TOLLIP: variants seen among roughly 807,000 people sequenced by gnomAD.
TOLLIP encodes toll-interacting protein.
TOLLIP carries 16 observed loss-of-function variants against 33.5 expected under a neutral mutation model. The observed-to-expected ratio is 0.48, with a 90% CI of 0.32 to 0.72. The LOEUF (loss-of-function observed/expected upper bound fraction) is 0.72. TOLLIP is among the 30% of genes least tolerant of loss of function. TOLLIP has a pLI of 0.03. For synonymous variants in TOLLIP, 176 were observed against 163.7 expected (o/e 1.07, Z -0.57); for missense variants, 325 against 396.6 (o/e 0.82, Z 1.53).
chr11:1,288,004 C>T (rs964571105), intron 4 of TOLLIP, among the ~76,000 whole-genome samples: 7 of 152,034 alleles, frequency 4.6e-5, no homozygotes, highest in South Asian at 2.1e-4. Context: ...ACAGACGAGA[C>T]GGCAGGAGCT....
At chr11:1,283,401 G>A (rs1457930609) in intron 5 of TOLLIP, 7 of 373,230 alleles carry the variant, frequency 1.9e-5, no homozygotes, top group Admixed American at 7.0e-5. Flanking sequence ...GCCCCAACGC[G>A]TCAGTGTCAG....
intron 1 of TOLLIP, chr11:1,305,920 G>C (rs1308565089): frequency 6.6e-6 from 1 of 152,216 alleles, no homozygotes; most frequent in Non-Finnish European, 1.5e-5. Flanking sequence ...GGGTCCACAC[G>C]GTACTCCTCG....
At chr11:1,288,051 C>T (rs558184727) in intron 4 of TOLLIP, among the ~76,000 whole-genome samples, 1 of 152,216 alleles carries the variant, frequency 6.6e-6, no homozygotes, top group East Asian at 2.0e-4. Context: ...CTCCTGATGC[C>T]CCCAGGAGCT....
chr11:1,304,920 C>A (rs1864386335), intron 1 of TOLLIP, among the ~76,000 whole-genome samples: 1 of 152,226 alleles, frequency 6.6e-6, no homozygotes, highest in Admixed American at 6.5e-5. Context: ...GCATTCCCAT[C>A]AAAAGACTTA....
chr11:1,281,734 T>C (rs1863505444), intron 5 of TOLLIP, among the ~76,000 whole-genome samples: 2 of 152,242 alleles, frequency 1.3e-5, no homozygotes, highest in African/African-American at 4.8e-5. Context: ...CAGCACCGCG[T>C]AGCCAGGCAG....
chr11:1,293,932 GAC>G (rs1421443219), intron 2 of TOLLIP, among the ~76,000 whole-genome samples: 1 of 152,278 alleles, frequency 6.6e-6, no homozygotes, highest in Non-Finnish European at 1.5e-5. Context: ...AAGGGTCTGA[GAC>G]ACGCCGCGAG....
intron 1 of TOLLIP, among the ~76,000 whole-genome samples, chr11:1,307,321 G>A (rs1864446418): frequency 6.6e-6 from 1 of 152,206 alleles, no homozygotes; most frequent in South Asian, 2.1e-4. Flanking sequence ...AGGAGGCACT[G>A]GGCAAGAGGA....
At position 1,290,332 on chromosome 11, in the gene TOLLIP, C is replaced by T. The variant is rs1255659666; in HGVS notation, c.261G>A (p.Glu87=). 3 of 1,613,644 alleles carry T rather than the reference C, an allele frequency of 1.9e-6. No individual in the cohort carries two copies. The highest frequency in any genetic ancestry group is 2.5e-6 in the Non-Finnish European group (3 of 1,179,984). Residue 87 remains glutamate (E), a synonymous_variant, in exon 3 of 6, where the codon GAG becomes GAA. Transcript: ENST00000317204. This position sits in a 1 kb window ranked among gnomAD's most constrained non-coding sequence, Gnocchi z 4.9. The part of the protein sequence containing the change: ...CRLRLGYAVY[E]TPTAHNGAKN... ...TGGCGCCATTGTGTGCCGTGGGCGT[C>T]TCGTACACCGCGTAGCCCAGGCGCA...
intron 1 of TOLLIP, among the ~76,000 whole-genome samples, chr11:1,307,393 G>A (rs1431264956): frequency 2.6e-5 from 4 of 152,200 alleles, no homozygotes; most frequent in Admixed American, 6.5e-5. Flanking sequence ...ATCTCCTGCC[G>A]CTCCCACTTC....
chr11:1,295,725 G>A lies in TOLLIP; in HGVS notation c.103C>T (p.Leu35=). The change falls in exon 2 of 6, where the codon CTG becomes TTG. Residue 35 remains leucine, a synonymous_variant. Coordinates refer to ENST00000317204, the MANE Select transcript of TOLLIP (RefSeq NM_019009.4). ...TPTQQQRQVQ[L]DAQAAQQLQY... Reference sequence around the variant, plus strand: ...AGCTGCTGGGCCGCCTGGGCGTCCAGCTGGACCTGCCGCTGCTGCTGTGTG... The same window carrying A: ...AGCTGCTGGGCCGCCTGGGCGTCCAACTGGACCTGCCGCTGCTGCTGTGTG... 6.2e-7 allele frequency: 1 copy of A among 1,607,602 alleles called. No individual in the cohort carries two copies. The highest frequency in any genetic ancestry group is 8.5e-7 in the Non-Finnish European group (1 of 1,177,820).
At chr11:1,305,513 C>T (rs2133934457) in intron 1 of TOLLIP, among the ~76,000 whole-genome samples, 1 of 152,358 alleles carries the variant, frequency 6.6e-6, no homozygotes, top group Admixed American at 6.5e-5. Flanking sequence ...GCCTTTCTTT[C>T]ACGAATTGTG....
chr11:1,284,654 C>T (rs1294495960), intron 5 of TOLLIP, among the ~76,000 whole-genome samples: 2 of 152,222 alleles, frequency 1.3e-5, no homozygotes, highest in African/African-American at 2.4e-5. Flanking sequence ...CACCCCCAGG[C>T]TGGTGGTTTT....
chr11:1,285,170 G>A (rs1404167916), intron 5 of TOLLIP, among the ~76,000 whole-genome samples: 1 of 151,518 alleles, frequency 6.6e-6, no homozygotes, highest in Non-Finnish European at 1.5e-5. Context: ...ACACCACCAC[G>A]CATCCCTAGC....
chr11:1,291,535 G>A (rs1160204733), intron 2 of TOLLIP, among the ~76,000 whole-genome samples: 781 of 57,870 alleles, frequency 0.013, 7 homozygotes, highest in Non-Finnish European at 0.012. Context: ...CCCACCCCCC[G>A]AAGGCACGGC....
At chr11:1,280,593 G>A (rs1279379984) in intron 5 of TOLLIP, among the ~76,000 whole-genome samples, 4 of 152,078 alleles carry the variant, frequency 2.6e-5, no homozygotes, top group Non-Finnish European at 4.4e-5. Context: ...CAGCGTCAAC[G>A]GGCAGCTGCA....
rs1465875629 is a variant in TOLLIP, at chr11:1,309,477, G to C, written c.22C>G (p.Gln8Glu). The change falls in exon 1 of 6, where the codon CAG (glutamine) becomes GAG (glutamate). Residue 8 changes from glutamine (Q) to glutamate (E), a missense_variant. Physicochemically the swap from Gln to Glu is conservative, Grantham distance 29. Transcript: ENST00000317204. ...CCCGGCTGCCTCACCGGCCCGCGCT[G>C]AGTGCTGACGGTGGTCGCCATGGTG... MATTVST[Q>E]RGPVYIGELP... 2 of 1,336,398 alleles carry C rather than the reference G, an allele frequency of 1.5e-6. No individual in the cohort carries two copies. The highest frequency in any genetic ancestry group is 3.1e-5 in the Admixed American group (1 of 32,560). The allele number at this position is 1,336,398 out of a possible 1,614,324, so 82.8% of individuals were successfully genotyped here.
Position 1,295,756 on chromosome 11 carries a change from G to T in TOLLIP, c.72C>A (p.Ile24=). The change falls in exon 2 of 6, where the codon ATC becomes ATA. Residue 24 remains isoleucine, a synonymous_variant. Transcript: ENST00000317204. The part of the protein sequence containing the change: ...IGELPQDFLR[I]TPTQQQRQVQ... ...CCTGCCGCTGCTGCTGTGTGGGCGT[G>T]ATGCGGAGGAAGTCCTGCGGGAGCT... is the stretch of plus-strand genomic sequence containing the variant. 6.2e-7 allele frequency: 1 copy of T among 1,601,412 alleles called. No homozygotes were observed. Among genetic ancestry groups the T allele is most frequent in the Non-Finnish European group, 8.5e-7 (1 of 1,174,276 alleles).
At chr11:1,287,866 CTG>C (rs1450571999) in intron 4 of TOLLIP, among the ~76,000 whole-genome samples, 1 of 119,616 alleles carries the variant, frequency 8.4e-6, no homozygotes, top group African/African-American at 3.4e-5. Context: ...ACCCTCTCTG[CTG>C]CAGCCTCCCT....
chr11:1,297,487 C>G (rs1015543179), intron 1 of TOLLIP, among the ~76,000 whole-genome samples: 2 of 152,264 alleles, frequency 1.3e-5, no homozygotes, highest in Non-Finnish European at 2.9e-5. Context: ...TCGGGAAGCT[C>G]TCTGCAGGCT....
Sources: allele counts gnomAD v4.1 joint callset (sites outside exome capture counted in the v4.1 genomes callset), GRCh38; gene constraint gnomAD v4.1.1; non-coding constraint Gnocchi (gnomAD v3.1); transcripts MANE v1.5; gene names NCBI Gene and HGNC (gene_info 2026-07-23, HGNC 2026-07-21).